ANKS1B: variants seen among roughly 807,000 people sequenced by gnomAD.
The protein encoded by ANKS1B is ankyrin repeat and sterile alpha motif domain containing 1B.
A neutral mutation model predicts 148.3 loss-of-function variants in ANKS1B; 36 were observed. That is an observed-to-expected ratio of 0.24 (90% CI 0.19 to 0.32). The LOEUF (loss-of-function observed/expected upper bound fraction) is 0.32, where lower values mean the gene tolerates loss of function less well. Among genes scored for constraint, ANKS1B ranks in the 10% least tolerant of loss-of-function variants. The pLI, the probability that ANKS1B is intolerant of heterozygous loss-of-function variation, is 1.00. For synonymous variants in ANKS1B, 542 were observed against 560.8 expected, an observed-to-expected ratio of 0.97 and a Z score of 0.47; for missense variants, 1,157 against 1,542.6, an observed-to-expected ratio of 0.75 and a Z score of 4.19.
At chr12:99,432,257 T>C (rs757660528) in intron 11 of ANKS1B, among the ~76,000 whole-genome samples, 2 of 152,186 alleles carry the variant, frequency 1.3e-5, no homozygotes, top group African/African-American at 4.8e-5. Flanking sequence ...AGGTGTTCCA[T>C]TATAGCGACA....
intron 15 of ANKS1B, among the ~76,000 whole-genome samples, chr12:99,095,034 G>T (rs1415379688): frequency 6.6e-6 from 1 of 151,866 alleles, no homozygotes; most frequent in African/African-American, 2.4e-5. Flanking sequence ...ACTGGGGGGG[G>T]GGTCAAGTCT....
At chr12:99,622,675 C>A (rs192086040) in intron 9 of ANKS1B, among the ~76,000 whole-genome samples, 2 of 152,014 alleles carry the variant, frequency 1.3e-5, no homozygotes, top group East Asian at 1.9e-4. Context: ...TAGAAACACA[C>A]AACCTCCCAA....
chr12:99,535,834 A>G (rs1015387032), intron 9 of ANKS1B, among the ~76,000 whole-genome samples: 2 of 152,188 alleles, frequency 1.3e-5, no homozygotes, highest in Non-Finnish European at 2.9e-5. Context: ...TTAGCACTTA[A>G]CCAAAGGTTT....
intron 2 of ANKS1B, among the ~76,000 whole-genome samples, 180 bp downstream of exon 2, chr12:99,825,129 A>G (rs2153683037): frequency 6.6e-6 from 1 of 152,348 alleles, no homozygotes; most frequent in East Asian, 1.9e-4. Flanking sequence ...CTCTGCACGC[A>G]ATTATACTCA....
chr12:99,038,928 G>A (rs1418810597), intron 17 of ANKS1B, among the ~76,000 whole-genome samples: 1 of 152,160 alleles, frequency 6.6e-6, no homozygotes, highest in Non-Finnish European at 1.5e-5. Context: ...TATAGTATGT[G>A]CCACTAGCTG....
chr12:99,429,170 C>G (rs899291869), intron 11 of ANKS1B, among the ~76,000 whole-genome samples: 1 of 151,970 alleles, frequency 6.6e-6, no homozygotes. Context: ...AACAAACAAA[C>G]GAAGAGAAAG....
At chr12:99,546,510 G>C (rs914414376) in intron 9 of ANKS1B, among the ~76,000 whole-genome samples, 1 of 152,104 alleles carries the variant, frequency 6.6e-6, no homozygotes, top group Admixed American at 6.6e-5. Context: ...TCACATATCT[G>C]CTGCTCTCAG....
At chr12:99,190,534 T>C (rs542524903) in intron 14 of ANKS1B, among the ~76,000 whole-genome samples, 62 of 152,180 alleles carry the variant, frequency 4.1e-4, no homozygotes, top group Middle Eastern at 3.4e-3. Flanking sequence ...TCAGAAATCA[T>C]ACCACACATC....
chr12:99,326,799 A>G (rs1352394833), intron 12 of ANKS1B, among the ~76,000 whole-genome samples: 1 of 151,318 alleles, frequency 6.6e-6, no homozygotes, highest in African/African-American at 2.4e-5. Flanking sequence ...TCAAGTAGGG[A>G]AAATAGTTGA....
At chr12:99,472,581 T>C (rs373670624) in intron 10 of ANKS1B, among the ~76,000 whole-genome samples, 2 of 152,254 alleles carry the variant, frequency 1.3e-5, no homozygotes, top group East Asian at 1.9e-4. Context: ...AACTAATACA[T>C]AGAGTTCCAC....
chr12:99,979,471 A>G (rs2095666989), intron 1 of ANKS1B, among the ~76,000 whole-genome samples: 1 of 152,104 alleles, frequency 6.6e-6, no homozygotes, highest in African/African-American at 2.4e-5. Flanking sequence ...TATTTTCCCT[A>G]TTGAGAACCA....
At chr12:99,428,087 G>A (rs115032260) in intron 11 of ANKS1B, among the ~76,000 whole-genome samples, 2,056 of 152,262 alleles carry the variant, frequency 0.014, 42 homozygotes, top group South Asian at 0.04. Context: ...TAATCATGTT[G>A]ACAATGTAAT....
At chr12:99,959,936 T>C (rs1287071468) in intron 1 of ANKS1B, among the ~76,000 whole-genome samples, 1 of 152,192 alleles carries the variant, frequency 6.6e-6, no homozygotes, top group Non-Finnish European at 1.5e-5. Context: ...CAGGTCACAA[T>C]TGACAGACAC....
chr12:99,762,783 C>G (rs960786854), intron 8 of ANKS1B, among the ~76,000 whole-genome samples: 2 of 151,838 alleles, frequency 1.3e-5, no homozygotes, highest in African/African-American at 4.8e-5. Flanking sequence ...GTCTAATATC[C>G]AGAATCTATA....
intron 17 of ANKS1B, among the ~76,000 whole-genome samples, chr12:99,003,886 A>C (rs1378823145): frequency 1.3e-5 from 2 of 152,348 alleles, no homozygotes; most frequent in African/African-American, 4.8e-5. Flanking sequence ...ACAAGAAAAA[A>C]AACCCTACAT....
chr12:99,052,706 A>G (rs61933368), intron 17 of ANKS1B, among the ~76,000 whole-genome samples: 1 of 116,958 alleles, frequency 8.6e-6, no homozygotes, highest in Non-Finnish European at 1.6e-5. Context: ...CCGCAGTCCG[A>G]CCTGGGCGAC....
intron 9 of ANKS1B, among the ~76,000 whole-genome samples, chr12:99,567,432 C>A: frequency 6.6e-6 from 1 of 151,888 alleles, no homozygotes. Flanking sequence ...AGTTCTCACT[C>A]CCCCATCAAG....
intron 19 of ANKS1B, among the ~76,000 whole-genome samples, chr12:98,814,581 A>G (rs2099124276): frequency 6.6e-6 from 1 of 152,204 alleles, no homozygotes; most frequent in Non-Finnish European, 1.5e-5. Flanking sequence ...AGCTTGCCGA[A>G]GAGAGAAGGA....
intron 1 of ANKS1B, among the ~76,000 whole-genome samples, chr12:99,952,887 G>A (rs1314916023): frequency 1.3e-5 from 2 of 152,118 alleles, no homozygotes; most frequent in Non-Finnish European, 2.9e-5. Flanking sequence ...ACCTTTTAAA[G>A]TCTTCTACTG....
Sources: allele counts gnomAD v4.1 joint callset (sites outside exome capture counted in the v4.1 genomes callset), GRCh38; gene constraint gnomAD v4.1.1; transcripts MANE v1.5; gene names NCBI Gene and HGNC (gene_info 2026-07-23, HGNC 2026-07-21).